Variants in ECT2L observed in about 807,000 individuals in gnomAD.
ECT2L encodes the protein epithelial cell-transforming sequence 2 oncogene-like.
A neutral mutation model predicts 122.8 loss-of-function variants in ECT2L; 126 were observed. The observed-to-expected ratio is 1.03, with a 90% CI of 0.89 to 1.19. The LOEUF is 1.19. Ranked by LOEUF, ECT2L falls within the 50% of genes most tolerant of loss-of-function variation. The pLI is 0.00. For synonymous variants in ECT2L, 385 were observed against 381.8 expected (o/e 1.01, Z -0.10); for missense variants, 1,012 against 1,064.1 (o/e 0.95, Z 0.68).
intron 2 of ECT2L, 75 bp from the exon 3 acceptor site, chr6:138,813,097 C>T (rs1228746751): frequency 4.0e-6 from 2 of 504,056 alleles, no homozygotes; most frequent in African/African-American, 3.9e-5. Context: ...AATTATAATT[C>T]TATCTATATG....
At chr6:138,834,332 C>T (rs1039473812) in intron 4 of ECT2L, among the ~76,000 whole-genome samples, 2 of 152,032 alleles carry the variant, frequency 1.3e-5, no homozygotes, top group African/African-American at 4.8e-5. Flanking sequence ...TTCTGCTGAT[C>T]ATGTATTTTT....
intron 11 of ECT2L, among the ~76,000 whole-genome samples, chr6:138,864,247 G>A (rs572621301): frequency 2.0e-5 from 3 of 152,066 alleles, no homozygotes; most frequent in Admixed American, 6.6e-5. Context: ...GCCTGAACCC[G>A]GGAGGCGAAG....
chr6:138,894,839 A>G (rs990183444), intron 20 of ECT2L, among the ~76,000 whole-genome samples: 1 of 152,194 alleles, frequency 6.6e-6, no homozygotes, highest in Non-Finnish European at 1.5e-5. Flanking sequence ...GCAGTCCCCA[A>G]GCTTAGCCCA....
At chr6:138,902,284 T>C (rs531719876) in intron 21 of ECT2L, among the ~76,000 whole-genome samples, 11 of 152,360 alleles carry the variant, frequency 7.2e-5, no homozygotes, top group Admixed American at 1.3e-4. Context: ...GTCTTTAAAA[T>C]AATTGCTAAT....
At chr6:138,864,002 T>TA (rs1172466449) in intron 11 of ECT2L, among the ~76,000 whole-genome samples, 23,945 of 55,722 alleles carry the variant, frequency 0.43, 7,824 homozygotes, top group South Asian at 0.52. Flanking sequence ...TCTCCGTATT[T>TA]AAAAAAAAAA....
chr6:138,865,461 C>T (rs1226489596), intron 12 of ECT2L, among the ~76,000 whole-genome samples: 2 of 152,188 alleles, frequency 1.3e-5, no homozygotes, highest in African/African-American at 2.4e-5. Context: ...TTGCTGTTTG[C>T]TAAGCCAGAG....
In ECT2L at chr6:138,828,348, C is replaced by T. The variant is rs530071600; in HGVS notation, c.180-10004C>T. ...TTCTTTCAATGTATAGGTTTTCTCC[C>T]CTCACCCTTTTTCTTTTCTCCCTTG... is the stretch of plus-strand genomic sequence containing the variant. On this transcript the variant is annotated intron_variant, in intron 4 of 21. Transcript: ENST00000541398. Among the ~76,000 whole-genome samples the T allele has an allele frequency of 2.8e-4, 43 of 152,210 alleles. No homozygotes were observed. The South Asian group carries it at 8.9e-3, about 32-fold the overall frequency.
intron 8 of ECT2L, among the ~76,000 whole-genome samples, chr6:138,847,526 A>C (rs1407538542): frequency 4.1e-5 from 6 of 145,262 alleles, no homozygotes; most frequent in African/African-American, 1.5e-4. Flanking sequence ...GCCCGCCACC[A>C]TGCCCGGCTA....
rs568622433 is a variant in ECT2L at position 138,879,979 on chromosome 6, T to C, written c.1666-978T>C. On this transcript the variant is annotated intron_variant, in intron 14 of 21. Transcript: ENST00000541398. ...AAAGAAAAAAATAAAATAAAATAAA[T>C]AAATACACAAAACAACAGTTGGAAA... 1.0e-4 allele frequency among the ~76,000 whole-genome samples: 15 copies of C among 146,548 alleles called. No individual in the cohort carries two copies. The South Asian group carries it at 3.3e-3, about 32-fold the overall frequency.
chr6:138,852,054 G>A (rs1176300059), intron 9 of ECT2L, among the ~76,000 whole-genome samples: 3 of 152,178 alleles, frequency 2.0e-5, no homozygotes, highest in East Asian at 1.9e-4. Flanking sequence ...TGAGGTAGGC[G>A]GCTCTCTTGA....
At chr6:138,836,450 G>A (rs12202244) in intron 4 of ECT2L, among the ~76,000 whole-genome samples, 2,954 of 151,766 alleles carry the variant, frequency 0.019, 27 homozygotes, top group Non-Finnish European at 0.027. Flanking sequence ...CACCATGCCC[G>A]GCTAACTTTT....
At chr6:138,890,492 CTTTTTTTTTTTTTT>C (rs552594959) in intron 20 of ECT2L, among the ~76,000 whole-genome samples, 4 of 78,988 alleles carry the variant, frequency 5.1e-5, no homozygotes, top group Admixed American at 1.4e-4. Flanking sequence ...TTTCTTTGAT[CTTTTTTTTTTTTTT>C]TTTTTTTTTT....
chr6:138,871,562 T>A (rs763581337), intron 13 of ECT2L, among the ~76,000 whole-genome samples: 5 of 152,102 alleles, frequency 3.3e-5, no homozygotes, highest in Non-Finnish European at 5.9e-5. Context: ...TCCCAGCCCT[T>A]TGGGAGGCAG....
At chr6:138,819,232 T>TAAA (rs772350044) in intron 4 of ECT2L, among the ~76,000 whole-genome samples, 1 of 46,526 alleles carries the variant, frequency 2.1e-5, no homozygotes. Flanking sequence ...GGATGATGCT[T>TAAA]AAAAAAAAAA....
intron 5 of ECT2L, 24 bp downstream of exon 5, chr6:138,838,538 T>C: frequency 6.3e-7 from 1 of 1,599,480 alleles, no homozygotes; most frequent in South Asian, 1.1e-5. Flanking sequence ...CACTTCCTAG[T>C]AATAGGGCAC....
intron 4 of ECT2L, among the ~76,000 whole-genome samples, chr6:138,837,817 T>C (rs895089471): frequency 6.6e-6 from 1 of 152,192 alleles, no homozygotes; most frequent in African/African-American, 2.4e-5. Context: ...AAACTAGGTT[T>C]ACTCCAAGAC....
intron 20 of ECT2L, 128 bp from the exon 21 acceptor site, chr6:138,900,820 C>G: frequency 9.9e-7 from 1 of 1,007,152 alleles, no homozygotes. Context: ...GAACTTCAAC[C>G]AGCCATTCAA....
At chr6:138,890,409 TACC>T (rs984611218) in intron 20 of ECT2L, among the ~76,000 whole-genome samples, 4 of 151,450 alleles carry the variant, frequency 2.6e-5, no homozygotes, top group African/African-American at 9.7e-5. Context: ...CCTCCATCCT[TACC>T]TAGACTAGAT....
intron 4 of ECT2L, among the ~76,000 whole-genome samples, chr6:138,830,301 G>A (rs1183522832): frequency 2.0e-5 from 3 of 152,160 alleles, no homozygotes; most frequent in East Asian, 1.9e-4. Flanking sequence ...TTTTCTAAAC[G>A]GCCAGATAGC....
Sources: allele counts gnomAD v4.1 joint callset (sites outside exome capture counted in the v4.1 genomes callset), GRCh38; gene constraint gnomAD v4.1.1; transcripts MANE v1.5; gene names NCBI Gene and HGNC (gene_info 2026-07-23, HGNC 2026-07-21).